Variants in SSH3 observed in about 807,000 individuals in gnomAD.
SSH3 encodes the protein slingshot protein phosphatase 3.
In SSH3, 67 loss-of-function variants were observed where a neutral mutation model predicts 75.0. That is an observed-to-expected ratio of 0.89 (90% CI 0.73 to 1.10). The LOEUF is 1.10. Among genes scored for constraint, SSH3 ranks in the 50% least tolerant of loss-of-function variants. The pLI is 0.00. For synonymous variants in SSH3, 318 were observed against 349.2 expected, an observed-to-expected ratio of 0.91 and a Z score of 1.00; for missense variants, 824 against 872.7, an observed-to-expected ratio of 0.94 and a Z score of 0.70.
At position 67,308,505 on chromosome 11, in the gene SSH3, C is replaced by T. The variant is rs1050626674; in HGVS notation, c.1061+47C>T. 1.0e-5 allele frequency: 16 copies of T among 1,550,078 alleles called. No individual in the cohort carries two copies. The African/African-American group carries it at 1.2e-4, about 12-fold the overall frequency. On this transcript the variant is annotated intron_variant, in intron 10 of 13. Coordinates refer to ENST00000308127, the MANE Select transcript of SSH3 (RefSeq NM_017857.4). This position sits in a 1 kb window ranked among gnomAD's most constrained non-coding sequence, Gnocchi z 4.9. ...GCCACCCACCCCATCTTCCCTTCTC[C>T]TGGCCTCCCCGCATTGGGTGGTAGC...
rs571998524 is a variant in SSH3 at position 67,312,150 on chromosome 11, G to T, written c.*263G>T. ...CTAACTGGGATGTGGTAGAGGGACT[G>T]AAGGTACCTTTGGGGGCAACAGCAC... is the stretch of plus-strand genomic sequence containing the variant. On this transcript the variant is annotated 3_prime_UTR_variant, in exon 14 of 14. Transcript: ENST00000308127. 15 of 551,642 alleles carry T rather than the reference G, an allele frequency of 2.7e-5. No homozygotes were observed. The East Asian group carries it at 4.2e-4, about 15-fold the overall frequency. The allele number at this position is 551,642 out of a possible 1,614,324, so 34.2% of individuals were successfully genotyped here. A position where few individuals can be genotyped will look rare whatever the true frequency, so the allele number is the denominator to read the frequency against.
Position 67,309,876 on chromosome 11 carries a change from C to A in SSH3, c.1317C>A (p.Ala439=). Residue 439 remains alanine (A), a synonymous_variant, in exon 12 of 14, where the codon GCC becomes GCA. Coordinates refer to ENST00000308127, the MANE Select transcript of SSH3 (RefSeq NM_017857.4). ...MKQYECSLEQ[A]LRHVQELRPI... is the part of the protein sequence containing the mutation. The stretch of plus-strand genomic sequence containing the variant: ...AGTACGAATGCAGCCTGGAGCAGGC[C>A]CTGCGCCACGTGCAGGAGCTCCGGC... 1 of 1,612,646 alleles carries A rather than the reference C, an allele frequency of 6.2e-7. No individual in the cohort carries two copies. The highest frequency in any genetic ancestry group is 8.5e-7 in the Non-Finnish European group (1 of 1,179,994).
chr11:67,305,068 G>C, intron 3 of SSH3, 61 bp downstream of exon 3: 1 of 1,502,728 alleles, frequency 6.7e-7, no homozygotes, highest in Non-Finnish European at 9.0e-7. Context: ...GGGCAGAATG[G>C]AGCCCTGTGT....
intron 3 of SSH3, among the ~76,000 whole-genome samples, chr11:67,306,018 G>A (rs908194085): frequency 2.6e-5 from 4 of 151,580 alleles, no homozygotes; most frequent in Admixed American, 6.6e-5. Context: ...GGCCGGGCGC[G>A]GTGGCTCATG....
chr11:67,310,001 T>C, intron 12 of SSH3, 33 bp downstream of exon 12: 1 of 1,607,574 alleles, frequency 6.2e-7, no homozygotes. Context: ...AGGGGGTGAG[T>C]AGGTGGGTTT....
chr11:67,307,435 T>C lies in SSH3; in HGVS notation c.601T>C (p.Trp201Arg). 1 of 1,613,948 alleles carries C rather than the reference T, an allele frequency of 6.2e-7. No individual in the cohort carries two copies. Among genetic ancestry groups the C allele is most frequent in the Non-Finnish European group, 8.5e-7 (1 of 1,179,996 alleles). The stretch of plus-strand genomic sequence containing the variant: ...CAAGCCCATCTCCATCCAGACCATG[T>C]GGTAAGGACAGAGACTGCCTGGACT... The part of the protein sequence containing the change: ...IFKPISIQTM[W>R]ATLQVLHQAC... The change falls in exon 6 of 14, where the codon TGG (tryptophan) becomes CGG (arginine). Residue 201 changes from tryptophan to arginine, a missense_variant and splice_region_variant. Physicochemically the swap from Trp to Arg is moderately radical, Grantham distance 101. Coordinates refer to ENST00000308127, the MANE Select transcript of SSH3 (RefSeq NM_017857.4). The surrounding 1 kb of genome is among the most constrained non-coding windows in gnomAD (Gnocchi z 4.2).
chr11:67,309,773 A>G lies in SSH3; in HGVS notation c.1214A>G (p.Gln405Arg), dbSNP rs754591969. The part of the protein sequence containing the change: ...THRFIEAARA[Q>R]GTHVLVHCKM... The stretch of plus-strand genomic sequence containing the variant: ...AACCTGGCCTGCTTCCACAGAGCAC[A>G]GGGCACCCACGTGCTGGTCCACTGC... Residue 405 changes from glutamine to arginine, a missense_variant, in exon 12 of 14, where the codon CAG (glutamine) becomes CGG (arginine). Gln to Arg is a conservative substitution (Grantham distance 43, BLOSUM62 1). Coordinates refer to ENST00000308127, the MANE Select transcript of SSH3 (RefSeq NM_017857.4). 2.0e-5 allele frequency: 32 copies of G among 1,612,850 alleles called. No homozygotes were observed. Among genetic ancestry groups the G allele is most frequent in the Non-Finnish European group, 2.6e-5 (31 of 1,180,022 alleles).
At chr11:67,309,697 C>T (rs890370285) in intron 11 of SSH3, 71 bp from the exon 12 acceptor site, 3 of 1,595,802 alleles carry the variant, frequency 1.9e-6, no homozygotes, top group African/African-American at 2.7e-5. Flanking sequence ...AGCCCTTCAC[C>T]TGCCCTCCCC....
intron 13 of SSH3, 107 bp downstream of exon 13, chr11:67,310,446 C>A (rs1052160672): frequency 1.4e-6 from 2 of 1,408,334 alleles, no homozygotes; most frequent in Non-Finnish European, 1.9e-6. Flanking sequence ...GCAGGGCGTA[C>A]CCGGGCTAAG....
chr11:67,304,617 A>G (rs1861177535), intron 2 of SSH3, among the ~76,000 whole-genome samples, 156 bp from the exon 3 acceptor site: 1 of 152,216 alleles, frequency 6.6e-6, no homozygotes, highest in African/African-American at 2.4e-5. Flanking sequence ...TTAGAAATGC[A>G]GATGCTCAGG....
At position 67,309,937 on chromosome 11, in the gene SSH3, C is replaced by G. The variant is rs1353754269; in HGVS notation, c.1378C>G (p.Leu460Val). 6.2e-7 allele frequency: 1 copy of G among 1,610,534 alleles called. No homozygotes were observed. Among genetic ancestry groups the G allele is most frequent in the Non-Finnish European group, 8.5e-7 (1 of 1,180,002 alleles). ...ARPNPGFLRQ[L>V]QIYQGILTAS... ...CCCCAACCCTGGCTTCCTGCGCCAG[C>G]TGCAGATCTACCAGGGCATCCTGAC... Residue 460 changes from leucine (L) to valine (V), a missense_variant, in exon 12 of 14, where the codon CTG becomes GTG. Transcript: ENST00000308127.
In SSH3 at chr11:67,310,303, G is replaced by A; in HGVS notation, c.1647G>A (p.Glu549=). 1.2e-6 allele frequency: 2 copies of A among 1,613,770 alleles called. No homozygotes were observed. The highest frequency in any genetic ancestry group is 1.3e-5 in the African/African-American group (1 of 75,038). Residue 549 remains glutamate, a synonymous_variant, in exon 13 of 14, where the codon GAG becomes GAA. Transcript: ENST00000308127. ...RSISLLEPSL[E]LESTSETSDM... is the part of the protein sequence containing the mutation. ...TCAGTCTTCTGGAGCCCTCCTTGGA[G>A]CTGGAGAGCACCTCAGAGACCAGTG...
At chr11:67,311,368 G>C (rs778446294) in intron 13 of SSH3, among the ~76,000 whole-genome samples, 46 of 152,162 alleles carry the variant, frequency 3.0e-4, no homozygotes, top group Non-Finnish European at 5.3e-4. Context: ...AAGCAGGTAG[G>C]GTTCAAGGAG....
Position 67,306,886 on chromosome 11 carries a change from G to A in SSH3, c.388G>A (p.Val130Ile). Residue 130 changes from valine (V) to isoleucine (I), a missense_variant, in exon 4 of 14, where the codon GTA (valine) becomes ATA (isoleucine). Physicochemically the swap from Val to Ile is conservative, Grantham distance 29. Transcript: ENST00000308127. Reference sequence around the variant, plus strand: ...GCCTCCCCGGCTCCGCTACCTGCTGGTAGTTTCTACACGAGAAGGAGAAGG... The same window carrying A: ...GCCTCCCCGGCTCCGCTACCTGCTGATAGTTTCTACACGAGAAGGAGAAGG... ...PRPPRLRYLLVVSTREGEGLS... is the reference protein window; with the variant it reads ...PRPPRLRYLLIVSTREGEGLS... 1 of 1,613,676 alleles carries A rather than the reference G, an allele frequency of 6.2e-7. No individual in the cohort carries two copies. The highest frequency in any genetic ancestry group is 8.5e-7 in the Non-Finnish European group (1 of 1,179,698).
At position 67,307,211 on chromosome 11, in the gene SSH3, G is replaced by T. The variant is rs1861271976; in HGVS notation, c.536+98G>T. The T allele has an allele frequency of 6.4e-7, 1 of 1,566,410 alleles. No homozygotes were observed. Among genetic ancestry groups the T allele is most frequent in the African/African-American group, 1.3e-5 (1 of 74,262 alleles). On this transcript the variant is annotated intron_variant, in intron 5 of 13. Transcript: ENST00000308127. The surrounding 1 kb of genome is among the most constrained non-coding windows in gnomAD (Gnocchi z 4.2). Reference sequence around the variant, plus strand: ...GCACCAGGGTACAGTAGAACTTTAGGCTGGGACTCTGGGGCCTGCTCCCAG... The same window carrying T: ...GCACCAGGGTACAGTAGAACTTTAGTCTGGGACTCTGGGGCCTGCTCCCAG...
At position 67,310,099 on chromosome 11, in the gene SSH3, T is replaced by G. The variant is rs1861369854; in HGVS notation, c.1443T>G (p.Gly481=). 2 of 1,613,634 alleles carry G rather than the reference T, an allele frequency of 1.2e-6. No individual in the cohort carries two copies. The highest frequency in any genetic ancestry group is 1.1e-5 in the South Asian group (1 of 91,084). The change falls in exon 13 of 14, where the codon GGT becomes GGG. Residue 481 remains glycine (G), a synonymous_variant. Transcript: ENST00000308127. ...GCCATGTCTGGGAGCAGAAAGTGGG[T>G]GGGGTCTCCCCAGAGGAGCACCCAG... ...RQSHVWEQKV[G]GVSPEEHPAP... is the part of the protein sequence containing the mutation.
chr11:67,306,994 G>T, intron 4 of SSH3, 32 bp downstream of exon 4: 1 of 1,612,900 alleles, frequency 6.2e-7, no homozygotes, highest in South Asian at 1.1e-5. Context: ...GAGGGGCAAA[G>T]AGGTGAGGGA....
chr11:67,311,764 C>CCAGGAG lies in SSH3; in HGVS notation c.1868_1873dup (p.Glu623_Gln624dup). On this transcript the variant is annotated inframe_insertion, in exon 14 of 14. Coordinates refer to ENST00000308127, the MANE Select transcript of SSH3 (RefSeq NM_017857.4). ...TGGTGGCCAACCGGACCCAGGCCTT[C>CCAGGAG]CAGGAGCAGGAGCAGGGGCAGGGGC... is the stretch of plus-strand genomic sequence containing the variant. 13 of 1,613,750 alleles carry CCAGGAG rather than the reference C, an allele frequency of 8.1e-6. No individual in the cohort carries two copies. The highest frequency in any genetic ancestry group is 1.7e-5 in the Admixed American group (1 of 60,000).
chr11:67,306,662 G>T (rs1351697075), intron 3 of SSH3, among the ~76,000 whole-genome samples, 176 bp from the exon 4 acceptor site: 3 of 152,180 alleles, frequency 2.0e-5, no homozygotes, highest in Admixed American at 2.0e-4. Flanking sequence ...ACCTATGTCA[G>T]TCCCATTCCC....
Sources: gnomAD v4.1 joint callset for allele counts (sites outside exome capture counted in the v4.1 genomes callset) on GRCh38, gnomAD v4.1.1 for gene constraint, Gnocchi (gnomAD v3.1) non-coding constraint, MANE v1.5 for transcripts, NCBI Gene and HGNC (gene_info 2026-07-23, HGNC 2026-07-21) for gene names.